DTNA: variants seen among roughly 807,000 people sequenced by gnomAD.
DTNA encodes the protein dystrophin-related protein 3.
Under a neutral mutation model 100.7 loss-of-function variants are expected in DTNA, and 43 were observed. The ratio of observed to expected loss-of-function variants is 0.43; its 90% CI spans 0.33 to 0.55. The LOEUF is 0.55. DTNA is among the 20% of genes least tolerant of loss of function. The pLI is 0.04. For synonymous variants in DTNA, 349 were observed against 347.9 expected (o/e 1.00, Z -0.04); for missense variants, 798 against 953.9 (o/e 0.84, Z 2.15).
intron 5 of DTNA, among the ~76,000 whole-genome samples, chr18:34,809,103 G>A (rs1367544359): frequency 6.6e-6 from 1 of 152,172 alleles, no homozygotes; most frequent in African/African-American, 2.4e-5. Context: ...AATCTCTCCA[G>A]AATGTTAACT....
intron 4 of DTNA, 143 bp from the exon 5 acceptor site, chr18:34,806,076 G>A: frequency 4.4e-6 from 3 of 682,232 alleles, no homozygotes; most frequent in East Asian, 2.7e-5. Flanking sequence ...TAAAATGGAT[G>A]TGCCCACATA....
chr18:34,634,180 C>T (rs992438037), intron 1 of DTNA, among the ~76,000 whole-genome samples: 7 of 152,070 alleles, frequency 4.6e-5, no homozygotes, highest in African/African-American at 1.7e-4. Context: ...CACGTTTTCT[C>T]GAAAGCATTT....
chr18:34,806,407 C>T (rs2095361999), intron 5 of DTNA, 103 bp downstream of exon 5: 1 of 972,030 alleles, frequency 1.0e-6, no homozygotes, highest in African/African-American at 1.6e-5. Flanking sequence ...TATCTTTCCT[C>T]ATTCTATGAG....
chr18:34,727,536 A>C (rs1454695782), intron 1 of DTNA, among the ~76,000 whole-genome samples: 1 of 152,162 alleles, frequency 6.6e-6, no homozygotes, highest in African/African-American at 2.4e-5. Context: ...ATTATGGAAC[A>C]TCTGCATGAT....
intron 1 of DTNA, among the ~76,000 whole-genome samples, chr18:34,626,670 A>G (rs2057360975): frequency 6.6e-6 from 1 of 152,268 alleles, no homozygotes; most frequent in South Asian, 2.1e-4. Context: ...TTCAATTTCC[A>G]CCCAAAACAC....
At chr18:34,788,921 A>C (rs1430815632) in intron 3 of DTNA, among the ~76,000 whole-genome samples, 1 of 152,220 alleles carries the variant, frequency 6.6e-6, no homozygotes, top group Admixed American at 6.5e-5. Context: ...ATTTTATCAC[A>C]AATAGCTCAT....
intron 1 of DTNA, among the ~76,000 whole-genome samples, chr18:34,654,551 G>T (rs1406758321): frequency 6.6e-6 from 1 of 152,104 alleles, no homozygotes; most frequent in African/African-American, 2.4e-5. Flanking sequence ...AATACTAACT[G>T]CAACAAAGTT....
chr18:34,779,968 A>G (rs2094242053), intron 3 of DTNA, among the ~76,000 whole-genome samples: 1 of 152,154 alleles, frequency 6.6e-6, no homozygotes, highest in East Asian at 1.9e-4. Context: ...TGGATAGTGG[A>G]TCTACTATCA....
intron 1 of DTNA, among the ~76,000 whole-genome samples, chr18:34,544,625 G>A (rs1260015877): frequency 6.6e-6 from 1 of 152,014 alleles, no homozygotes; most frequent in Non-Finnish European, 1.5e-5. Context: ...CTGCATTGAA[G>A]TTTTATTTAG....
chr18:34,735,374 C>T (rs1308061170), intron 1 of DTNA, among the ~76,000 whole-genome samples: 1 of 152,140 alleles, frequency 6.6e-6, no homozygotes, highest in Admixed American at 6.6e-5. Context: ...AGTTTGTATC[C>T]TTCAATCCAA....
At position 34,862,851 on chromosome 18, in the gene DTNA, C is replaced by T. The variant is rs117180414; in HGVS notation, c.1647-1115C>T. On this transcript the variant is annotated intron_variant, in intron 16 of 22. Transcript: ENST00000444659. Reference sequence around the variant, plus strand: ...TGTATCATTTATATCACTAACCTGTCCTCCCACAAAATATCTTTCAATTGA... The same window carrying T: ...TGTATCATTTATATCACTAACCTGTTCTCCCACAAAATATCTTTCAATTGA... Among the ~76,000 whole-genome samples, 1,013 of 152,254 alleles carry T rather than the reference C, an allele frequency of 6.7e-3. 6 individuals are homozygous for T. The highest frequency in any genetic ancestry group is 0.012 in the Non-Finnish European group (832 of 68,014).
chr18:34,745,694 C>G (rs1309171434), intron 1 of DTNA, among the ~76,000 whole-genome samples: 1 of 152,188 alleles, frequency 6.6e-6, no homozygotes, highest in African/African-American at 2.4e-5. Context: ...GGCAGTTGCT[C>G]TGTAGATGTG....
intron 1 of DTNA, among the ~76,000 whole-genome samples, chr18:34,590,086 G>A (rs1478301183): frequency 6.6e-6 from 1 of 152,122 alleles, no homozygotes; most frequent in Non-Finnish European, 1.5e-5. Flanking sequence ...ATACCTTTAG[G>A]AGTTGATGTA....
At position 34,740,998 on chromosome 18, in the gene DTNA, G is replaced by C. The variant is rs140668050; in HGVS notation, c.-1-14978G>C. ...GATGTATGTGTGGGTATTTTTATTTGTTCCATTTACAAACTCTAACTTGGT... is the reference window on the plus strand; with the variant it reads ...GATGTATGTGTGGGTATTTTTATTTCTTCCATTTACAAACTCTAACTTGGT... On this transcript the variant is annotated intron_variant, in intron 1 of 22. Transcript: ENST00000444659. 2.6e-4 allele frequency among the ~76,000 whole-genome samples: 40 copies of C among 152,176 alleles called. No individual in the cohort carries two copies. The East Asian group carries it at 7.7e-3, about 29-fold the overall frequency.
intron 3 of DTNA, among the ~76,000 whole-genome samples, chr18:34,766,398 C>T (rs1285828814): frequency 6.6e-6 from 1 of 152,048 alleles, no homozygotes; most frequent in Admixed American, 6.6e-5. Flanking sequence ...AAAATGGTTT[C>T]CAACATCATT....
intron 1 of DTNA, among the ~76,000 whole-genome samples, chr18:34,736,634 T>G (rs2089648434): frequency 6.6e-6 from 1 of 152,172 alleles, no homozygotes; most frequent in East Asian, 1.9e-4. Flanking sequence ...TTAAATGCCT[T>G]GAACTTCTTA....
intron 1 of DTNA, among the ~76,000 whole-genome samples, chr18:34,633,486 T>A (rs1599359808): frequency 6.6e-6 from 1 of 152,114 alleles, no homozygotes; most frequent in African/African-American, 2.4e-5. Context: ...ATAAGGGATG[T>A]TACAAGACAT....
At chr18:34,834,222 A>G (rs1404713862) in intron 11 of DTNA, among the ~76,000 whole-genome samples, 1 of 152,100 alleles carries the variant, frequency 6.6e-6, no homozygotes, top group African/African-American at 2.4e-5. Context: ...GAGGCTGGGC[A>G]CGGTGGCTCA....
At chr18:34,828,082 C>T (rs1457985464) in intron 10 of DTNA, among the ~76,000 whole-genome samples, 2 of 152,090 alleles carry the variant, frequency 1.3e-5, no homozygotes, top group Non-Finnish European at 2.9e-5. Context: ...AGCTAAGATA[C>T]AAAAGAATCC....
Sources: allele counts gnomAD v4.1 joint callset (sites outside exome capture counted in the v4.1 genomes callset), GRCh38; gene constraint gnomAD v4.1.1; transcripts MANE v1.5; gene names NCBI Gene and HGNC (gene_info 2026-07-23, HGNC 2026-07-21).